Variants in CAVIN1 observed in about 807,000 individuals in gnomAD.
CAVIN1 encodes caveolae associated protein 1.
A neutral mutation model predicts 24.0 loss-of-function variants in CAVIN1; 16 were observed. The observed-to-expected ratio is 0.67, with a 90% CI of 0.45 to 1.01. The LOEUF is 1.01. CAVIN1 is among the 50% of genes least tolerant of loss of function. CAVIN1 has a pLI of 0.00. For synonymous variants in CAVIN1, 256 were observed against 256.4 expected (o/e 1.00, Z 0.02); for missense variants, 510 against 551.7 (o/e 0.92, Z 0.76).
intron 1 of CAVIN1, among the ~76,000 whole-genome samples, chr17:42,416,327 TACTGC>T (rs2085511242): frequency 6.6e-6 from 1 of 151,524 alleles, no homozygotes; most frequent in Admixed American, 6.6e-5. Context: ...GAGATCACGC[TACTGC>T]ACTCCGGCCT....
rs1406599199 is a variant in CAVIN1, at chr17:42,422,837, C to A, written c.261G>T (p.Gln87His). 1.7e-5 allele frequency: 27 copies of A among 1,613,650 alleles called. No individual in the cohort carries two copies. Among genetic ancestry groups the A allele is most frequent in the Non-Finnish European group, 2.3e-5 (27 of 1,179,944 alleles). ...GCTTGCTCAGCTCGCCCTGGATGCT[C>A]TGCACTGCGCCCTCCATCTCCGCCT... is the stretch of plus-strand genomic sequence containing the variant. ...ERQAEMEGAVQSIQGELSKLG... is the reference protein window; with the variant it reads ...ERQAEMEGAVHSIQGELSKLG... The change falls in exon 1 of 2, where the codon CAG becomes CAT. Residue 87 changes from glutamine to histidine, a missense_variant. Physicochemically the swap from Gln to His is conservative, Grantham distance 24. Coordinates refer to ENST00000357037, the MANE Select transcript of CAVIN1 (RefSeq NM_012232.6).
chr17:42,403,648 A>G lies in CAVIN1; in HGVS notation c.*1039T>C, dbSNP rs1393788172. The G allele has an allele frequency of 6.6e-6, 1 of 152,130 alleles. No homozygotes were observed. The highest frequency in any genetic ancestry group is 1.5e-5 in the Non-Finnish European group (1 of 68,086). 9.4% of individuals were successfully genotyped at this position (152,130 alleles called of 1,614,324 possible). On this transcript the variant is annotated 3_prime_UTR_variant, in exon 2 of 2. Coordinates refer to ENST00000357037, the MANE Select transcript of CAVIN1 (RefSeq NM_012232.6). ...TTTCCTTTTTTTTCCTTCTGTTGAG[A>G]TGGAGTCTCACTCTGTCACCCAGGC...
rs577116502 is a variant in CAVIN1 at position 42,411,933 on chromosome 17, G to A, written c.472-6545C>T. 13 of 985,462 alleles carry A rather than the reference G, an allele frequency of 1.3e-5. No homozygotes were observed. In the African/African-American group the frequency reaches 1.9e-4, roughly 15 times the overall value. 61.0% of individuals were successfully genotyped at this position (985,462 alleles called of 1,614,324 possible). On this transcript the variant is annotated intron_variant, in intron 1 of 1. Transcript: ENST00000357037. ...TCACAGTACCCGGCACCCGTCCACA[G>A]TGGGCAGTGACTGGGGATGGTGGCC...
chr17:42,422,772 T>A lies in CAVIN1; in HGVS notation c.326A>T (p.Lys109Met). The A allele has an allele frequency of 6.2e-7, 1 of 1,613,534 alleles. No individual in the cohort carries two copies. Among genetic ancestry groups the A allele is most frequent in the Non-Finnish European group, 8.5e-7 (1 of 1,179,814 alleles). ...AHATTSNTVSKLLEKVRKVSV... is the reference protein window; with the variant it reads ...AHATTSNTVSMLLEKVRKVSV... ...GACCTTGCGCACCTTCTCCAGCAGC[T>A]TGCTCACCGTATTGCTCGTGGTGGC... The change falls in exon 1 of 2, where the codon AAG (lysine) becomes ATG (methionine). Residue 109 changes from lysine (K) to methionine (M), a missense_variant. By Grantham distance (95) the Lys-to-Met change is moderately conservative. Coordinates refer to ENST00000357037, the MANE Select transcript of CAVIN1 (RefSeq NM_012232.6).
In CAVIN1 at chr17:42,404,489, AGCGGGGGTTGTCCACT is replaced by A. The variant is rs943106554; in HGVS notation, c.*182_*197del. ...TCCCATTCCACTCGGACTGTGTCCA[AGCGGGGGTTGTCCACT>A]GCGGGGGCTGCCTCCCCATCGGGTC... On this transcript the variant is annotated 3_prime_UTR_variant, in exon 2 of 2. Coordinates refer to ENST00000357037, the MANE Select transcript of CAVIN1 (RefSeq NM_012232.6). The A allele has an allele frequency of 2.9e-4, 132 of 461,784 alleles. 1 individual carries two copies. Among genetic ancestry groups the A allele is most frequent in the African/African-American group, 2.7e-3 (127 of 47,824 alleles). The allele number at this position is 461,784 out of a possible 1,614,324, so 28.6% of individuals were successfully genotyped here. A position where few individuals can be genotyped will look rare whatever the true frequency, so the allele number is the denominator to read the frequency against.
At chr17:42,419,882 C>CGTGTGTGTGTGTGTGTGTGTGT (rs5820458) in intron 1 of CAVIN1, among the ~76,000 whole-genome samples, 4 of 143,658 alleles carry the variant, frequency 2.8e-5, no homozygotes, top group African/African-American at 1.0e-4. Context: ...TGCTGAATTT[C>CGTGTGTGTGTGTGTGTGTGTGT]GTGTGTGTGT....
At position 42,414,846 on chromosome 17, in the gene CAVIN1, A is replaced by G. The variant is rs111471339; in HGVS notation, c.471+7781T>C. On this transcript the variant is annotated intron_variant, in intron 1 of 1. Coordinates refer to ENST00000357037, the MANE Select transcript of CAVIN1 (RefSeq NM_012232.6). ...AAGGGAAACAACATGTCCCTCTCCT[A>G]GGTATGTGTGGAGTCCCTGCCAGGG... Among the ~76,000 whole-genome samples the G allele has an allele frequency of 3.9e-3, 589 of 152,014 alleles. 9 individuals carry two copies. The highest frequency in any genetic ancestry group is 0.014 in the African/African-American group (562 of 41,450).
At chr17:42,411,394 A>G (rs1168355267) in intron 1 of CAVIN1, 1 of 983,216 alleles carries the variant, frequency 1.0e-6, no homozygotes, top group African/African-American at 1.8e-5. Context: ...TCTCTAAAAA[A>G]AATTTTTTTA....
rs569380003 is a variant in CAVIN1 at position 42,407,736 on chromosome 17, T to C, written c.472-2348A>G. On this transcript the variant is annotated intron_variant, in intron 1 of 1. Transcript: ENST00000357037. ...TGGGACTTGTAGTCTCTACCTGCCA[T>C]AGACGGCTTAGTGCAGATCATGGGC... 9.3e-4 allele frequency among the ~76,000 whole-genome samples: 142 copies of C among 152,308 alleles called. 2 individuals carry two copies. The highest frequency in any genetic ancestry group is 3.0e-3 in the African/African-American group (124 of 41,558).
chr17:42,417,085 A>G (rs531181810), intron 1 of CAVIN1, among the ~76,000 whole-genome samples: 12 of 152,308 alleles, frequency 7.9e-5, no homozygotes, highest in African/African-American at 2.6e-4. Flanking sequence ...AAACTGCTCC[A>G]GAACACATTT....
Position 42,404,888 on chromosome 17 carries a change from G to T in CAVIN1, c.972C>A (p.His324Gln), listed in dbSNP as rs1421562805. The change falls in exon 2 of 2, where the codon CAC (histidine) becomes CAA (glutamine). Residue 324 changes from histidine (H) to glutamine (Q), a missense_variant. His to Gln is a conservative substitution (Grantham distance 24). Transcript: ENST00000357037. ...CCTGGCCCTCGCGGATCTTCTTGACGTGGAAGGTGAAGGGTGGCACCTTGT... is the reference window on the plus strand; with the variant it reads ...CCTGGCCCTCGCGGATCTTCTTGACTTGGAAGGTGAAGGGTGGCACCTTGT... ...AVYKVPPFTF[H>Q]VKKIREGQVE... is the part of the protein sequence containing the mutation. 1.2e-6 allele frequency: 2 copies of T among 1,613,882 alleles called. No homozygotes were observed. The highest frequency in any genetic ancestry group is 1.3e-5 in the African/African-American group (1 of 74,904).
intron 1 of CAVIN1, among the ~76,000 whole-genome samples, chr17:42,413,238 G>C (rs1222976908): frequency 1.3e-5 from 2 of 151,900 alleles, no homozygotes; most frequent in Non-Finnish European, 2.9e-5. Flanking sequence ...GCCTGGCCTA[G>C]AAACTCATTT....
In CAVIN1 at chr17:42,423,039, T is replaced by G. The variant is rs767145842; in HGVS notation, c.59A>C (p.Glu20Ala). The change falls in exon 1 of 2, where the codon GAG (glutamate) becomes GCG (alanine). Residue 20 changes from glutamate to alanine, a missense_variant. Transcript: ENST00000357037. Reference sequence around the variant, plus strand: ...CCCAGCGGAGGAAGGCTCCGGGGCCTCGGCGTCGGGGTACCCGGGAAGCGG... The same window carrying G: ...CCCAGCGGAGGAAGGCTCCGGGGCCGCGGCGTCGGGGTACCCGGGAAGCGG... Reference protein sequence around the residue: ...ERPLPGYPDAEAPEPSSAGAQ... With the variant: ...ERPLPGYPDAAAPEPSSAGAQ... The G allele has an allele frequency of 1.2e-6, 2 of 1,610,804 alleles. No individual in the cohort carries two copies. Among genetic ancestry groups the G allele is most frequent in the Non-Finnish European group, 1.7e-6 (2 of 1,179,052 alleles).
In CAVIN1 at chr17:42,404,479, A is replaced by T; in HGVS notation, c.*208T>A. On this transcript the variant is annotated 3_prime_UTR_variant, in exon 2 of 2. Coordinates refer to ENST00000357037, the MANE Select transcript of CAVIN1 (RefSeq NM_012232.6). The stretch of plus-strand genomic sequence containing the variant: ...ACCATTCCCTTCCCATTCCACTCGG[A>T]CTGTGTCCAAGCGGGGGTTGTCCAC... 2.3e-6 allele frequency: 1 copy of T among 443,042 alleles called. No individual in the cohort carries two copies. Among genetic ancestry groups the T allele is most frequent in the East Asian group, 3.9e-5 (1 of 25,732 alleles). 27.4% of individuals were successfully genotyped at this position (443,042 alleles called of 1,614,324 possible).
intron 1 of CAVIN1, chr17:42,412,210 G>A (rs1219749188): frequency 1.0e-6 from 1 of 985,020 alleles, no homozygotes; most frequent in South Asian, 4.7e-5. Flanking sequence ...CACGATCTTG[G>A]GTGTGGCCAG....
chr17:42,411,828 G>A lies in CAVIN1; in HGVS notation c.472-6440C>T, dbSNP rs76935743. ...TACTACTAAAAACAGAAACCAAGAA[G>A]TGGGGAGGCCCCTTCCATTCCCCTC... On this transcript the variant is annotated intron_variant, in intron 1 of 1. Transcript: ENST00000357037. 5.3e-5 allele frequency: 52 copies of A among 985,410 alleles called. No homozygotes were observed. The African/African-American group carries it at 8.2e-4, about 16-fold the overall frequency. The allele number at this position is 985,410 out of a possible 1,614,324, so 61.0% of individuals were successfully genotyped here.
intron 1 of CAVIN1, among the ~76,000 whole-genome samples, chr17:42,414,495 T>G (rs1320200287): frequency 6.6e-6 from 1 of 151,780 alleles, no homozygotes; most frequent in Non-Finnish European, 1.5e-5. Context: ...TGCCTCAACT[T>G]ATTGAGTAGC....
chr17:42,404,856 A>G lies in CAVIN1; in HGVS notation c.1004T>C (p.Val335Ala). 1 of 1,609,218 alleles carries G rather than the reference A, an allele frequency of 6.2e-7. No individual in the cohort carries two copies. Among genetic ancestry groups the G allele is most frequent in the Non-Finnish European group, 8.5e-7 (1 of 1,178,084 alleles). ...CTCCACCATCTCGGTGGCCTTGAGCACTTCCACCTGGCCCTCGCGGATCTT... is the reference window on the plus strand; with the variant it reads ...CTCCACCATCTCGGTGGCCTTGAGCGCTTCCACCTGGCCCTCGCGGATCTT... ...VKKIREGQVE[V>A]LKATEMVEVG... Residue 335 changes from valine to alanine, a missense_variant, in exon 2 of 2, where the codon GTG (valine) becomes GCG (alanine). Coordinates refer to ENST00000357037, the MANE Select transcript of CAVIN1 (RefSeq NM_012232.6).
Position 42,422,580 on chromosome 17 carries a change from C to G in CAVIN1, c.471+47G>C, listed in dbSNP as rs1264822953. ...CACCCCAACTCCCAGGCAGGGGACGCGGGCCGGGCGCGGGAGCTCTGGGCG... is the reference window on the plus strand; with the variant it reads ...CACCCCAACTCCCAGGCAGGGGACGGGGGCCGGGCGCGGGAGCTCTGGGCG... On this transcript the variant is annotated intron_variant, in intron 1 of 1. Transcript: ENST00000357037. 2.7e-6 allele frequency: 4 copies of G among 1,463,582 alleles called. 1 individual carries two copies. The highest frequency in any genetic ancestry group is 1.2e-5 in the South Asian group (1 of 80,660). The allele number at this position is 1,463,582 out of a possible 1,614,324, so 90.7% of individuals were successfully genotyped here. A position where few individuals can be genotyped will look rare whatever the true frequency, so the allele number is the denominator to read the frequency against.
Sources: gnomAD v4.1 joint callset for allele counts (sites outside exome capture counted in the v4.1 genomes callset) on GRCh38, gnomAD v4.1.1 for gene constraint, MANE v1.5 for transcripts, NCBI Gene and HGNC (gene_info 2026-07-23, HGNC 2026-07-21) for gene names.